DACH1: variants seen among roughly 807,000 people sequenced by gnomAD.
The protein encoded by DACH1 is dachshund homolog 1.
Under a neutral mutation model 54.2 loss-of-function variants are expected in DACH1, and 12 were observed. The observed-to-expected ratio is 0.22, with a 90% CI of 0.14 to 0.36. The LOEUF (loss-of-function observed/expected upper bound fraction) is 0.36, where lower values mean the gene tolerates loss of function less well. Ranked by LOEUF, DACH1 falls within the 10% of genes least tolerant of loss-of-function variation. The pLI, the probability that DACH1 is intolerant of heterozygous loss-of-function variation, is 1.00. For synonymous variants in DACH1, 386 were observed against 366.2 expected, an observed-to-expected ratio of 1.05 and a Z score of -0.62; for missense variants, 805 against 929.8, an observed-to-expected ratio of 0.87 and a Z score of 1.75.
chr13:71,666,741 G>T (rs1460776529), intron 2 of DACH1, among the ~76,000 whole-genome samples: 1 of 152,104 alleles, frequency 6.6e-6, no homozygotes. Context: ...CAGCACTTTG[G>T]GAGGCCAAGG....
At chr13:71,586,769 T>C (rs1038008796) in intron 3 of DACH1, among the ~76,000 whole-genome samples, 20 of 152,130 alleles carry the variant, frequency 1.3e-4, no homozygotes. Context: ...TGAGCCTTCA[T>C]TCTGCCCAGG....
chr13:71,708,093 G>A (rs1399654296), intron 1 of DACH1, among the ~76,000 whole-genome samples: 1 of 150,338 alleles, frequency 6.7e-6, no homozygotes, highest in Non-Finnish European at 1.5e-5. Flanking sequence ...CAAACAAACT[G>A]GCGATTTTCA....
chr13:71,658,267 T>C (rs1879269071), intron 2 of DACH1, among the ~76,000 whole-genome samples: 1 of 152,158 alleles, frequency 6.6e-6, no homozygotes, highest in African/African-American at 2.4e-5. Context: ...TCAAAATTGA[T>C]GGCCAGGCTC....
chr13:71,475,825 T>C lies in DACH1; in HGVS notation c.1895A>G (p.Lys632Arg). The change falls in exon 9 of 11, where the codon AAG becomes AGG. Residue 632 changes from lysine to arginine, a missense_variant. Coordinates refer to ENST00000613252, the MANE Select transcript of DACH1 (RefSeq NM_080759.6). ...CAATTTTCTCTTTGCCTTCTTCTCC[T>C]TCTTTAGCCTCTTTTGAACTATGGC... is the stretch of plus-strand genomic sequence containing the variant. ...NRAIVQKRLK[K>R]EKKAKRKLQE... 1 of 1,613,246 alleles carries C rather than the reference T, an allele frequency of 6.2e-7. No homozygotes were observed. The highest frequency in any genetic ancestry group is 8.5e-7 in the Non-Finnish European group (1 of 1,179,670).
intron 1 of DACH1, among the ~76,000 whole-genome samples, chr13:71,864,576 T>C (rs767138145): frequency 5.9e-5 from 9 of 152,154 alleles, no homozygotes; most frequent in Non-Finnish European, 1.2e-4. Context: ...TGCGCGCAGT[T>C]CCCACGTGCC....
chr13:71,562,872 A>G (rs1884675537), intron 4 of DACH1, among the ~76,000 whole-genome samples: 1 of 152,116 alleles, frequency 6.6e-6, no homozygotes, highest in South Asian at 2.1e-4. Flanking sequence ...TAGCCACACC[A>G]TAATTCAAAA....
Position 71,572,846 on chromosome 13 carries a change from A to T in DACH1, c.1293T>A (p.Val431=). 1.2e-6 allele frequency: 2 copies of T among 1,611,316 alleles called. No individual in the cohort carries two copies. Among genetic ancestry groups the T allele is most frequent in the Non-Finnish European group, 1.7e-6 (2 of 1,178,980 alleles). Reference sequence around the variant, plus strand: ...TGTATAAAAAAAGAATTACCTTAATAACTGATGTCTCAACTCTGGATGGGG... The same window carrying T: ...TGTATAAAAAAAGAATTACCTTAATTACTGATGTCTCAACTCTGGATGGGG... ...QSPPSRVETS[V]IKERVPDSPS... Residue 431 remains valine, a synonymous_variant, in exon 4 of 11, where the codon GTT becomes GTA. Transcript: ENST00000613252.
chr13:71,660,075 T>C (rs1255205880), intron 2 of DACH1, among the ~76,000 whole-genome samples: 3 of 152,260 alleles, frequency 2.0e-5, no homozygotes, highest in Admixed American at 6.5e-5. Flanking sequence ...AACCTAATGA[T>C]GCAAACAGCA....
chr13:71,791,962 C>T (rs1886850312), intron 1 of DACH1, among the ~76,000 whole-genome samples: 1 of 152,176 alleles, frequency 6.6e-6, no homozygotes. Context: ...CCACGGAAAG[C>T]TCACCCTCTT....
chr13:71,813,733 A>G (rs1887807088), intron 1 of DACH1, among the ~76,000 whole-genome samples: 1 of 152,194 alleles, frequency 6.6e-6, no homozygotes, highest in Non-Finnish European at 1.5e-5. Context: ...TCTATGAGGC[A>G]TGTCATATCA....
intron 2 of DACH1, among the ~76,000 whole-genome samples, chr13:71,642,943 T>C (rs900615803): frequency 6.6e-5 from 10 of 151,882 alleles, no homozygotes; most frequent in African/African-American, 2.4e-4. Flanking sequence ...GAGAATGGCA[T>C]GAACCTGGGA....
chr13:71,463,299 G>T (rs924441090), intron 10 of DACH1, among the ~76,000 whole-genome samples: 8 of 151,898 alleles, frequency 5.3e-5, no homozygotes, highest in African/African-American at 1.9e-4. Flanking sequence ...TTATTTTAGA[G>T]AAAACGTCTT....
chr13:71,756,717 G>A (rs1885175286), intron 1 of DACH1, among the ~76,000 whole-genome samples: 1 of 152,064 alleles, frequency 6.6e-6, no homozygotes. Flanking sequence ...CATCTTTAGA[G>A]TAGAAATATA....
intron 1 of DACH1, among the ~76,000 whole-genome samples, chr13:71,756,318 CCT>C (rs1885153964): frequency 1.3e-5 from 2 of 151,966 alleles, no homozygotes; most frequent in East Asian, 3.9e-4. Context: ...GCTGGGATTA[CCT>C]AAGTGTGAGC....
chr13:71,844,636 A>G (rs1249032817), intron 1 of DACH1, among the ~76,000 whole-genome samples: 1 of 152,180 alleles, frequency 6.6e-6, no homozygotes, highest in East Asian at 1.9e-4. Context: ...CATTAACAGA[A>G]AAACTCACAA....
intron 1 of DACH1, among the ~76,000 whole-genome samples, chr13:71,787,576 T>C (rs1215549926): frequency 6.6e-6 from 1 of 152,170 alleles, no homozygotes; most frequent in South Asian, 2.1e-4. Context: ...GTAGCCTCGC[T>C]TCGCTTGCCT....
chr13:71,706,421 T>C (rs1882450207), intron 1 of DACH1, among the ~76,000 whole-genome samples: 1 of 152,170 alleles, frequency 6.6e-6, no homozygotes, highest in Non-Finnish European at 1.5e-5. Flanking sequence ...ATAGCATATT[T>C]GCAAATATTC....
chr13:71,631,617 T>G (rs1877106814), intron 2 of DACH1, among the ~76,000 whole-genome samples: 1 of 152,218 alleles, frequency 6.6e-6, no homozygotes, highest in African/African-American at 2.4e-5. Flanking sequence ...TTAATCATCT[T>G]AATAACCCTC....
intron 1 of DACH1, among the ~76,000 whole-genome samples, chr13:71,766,308 C>T (rs1200282677): frequency 1.3e-5 from 2 of 152,208 alleles, no homozygotes; most frequent in Non-Finnish European, 2.9e-5. Flanking sequence ...AATCTATAAT[C>T]ACTTGTGGAG....
Sources: allele counts gnomAD v4.1 joint callset (sites outside exome capture counted in the v4.1 genomes callset), GRCh38; gene constraint gnomAD v4.1.1; transcripts MANE v1.5; gene names NCBI Gene and HGNC (gene_info 2026-07-23, HGNC 2026-07-21).